The following RBFOX2 variants were observed in gnomAD, a reference collection of about 807,000 sequenced individuals.
RBFOX2 encodes the protein RNA binding fox-1 homolog 2.
In RBFOX2, 10 loss-of-function variants were observed where a neutral mutation model predicts 49.1. That is an observed-to-expected ratio of 0.20 (90% CI 0.13 to 0.35). The LOEUF is 0.35. Ranked by LOEUF, RBFOX2 falls within the 10% of genes least tolerant of loss-of-function variation. The pLI, the probability that RBFOX2 is intolerant of heterozygous loss-of-function variation, is 1.00. For missense variants in RBFOX2, 323 were observed against 486.9 expected (o/e 0.66, Z 3.17); for synonymous variants, 183 against 187.4 (o/e 0.98, Z 0.19).
chr22:35,930,099 G>T (rs2052193003), intron 1 of RBFOX2, among the ~76,000 whole-genome samples: 1 of 141,014 alleles, frequency 7.1e-6, no homozygotes, highest in African/African-American at 2.7e-5. Flanking sequence ...TCAGCTCACT[G>T]CAACCTCCGC....
At chr22:35,740,561 G>A (rs1433218731) in exon 12 of RBFOX2, 1 of 152,518 alleles carries the variant, frequency 6.6e-6, no homozygotes, top group African/African-American at 2.4e-5. Flanking sequence ...CTAGTATCTG[G>A]GGGAAAATCT....
intron 1 of RBFOX2, among the ~76,000 whole-genome samples, chr22:35,814,880 T>C (rs1952711926): frequency 6.6e-6 from 1 of 152,084 alleles, no homozygotes; most frequent in African/African-American, 2.4e-5. Flanking sequence ...TGGGAGACCC[T>C]GTCTCCTAAA....
intron 1 of RBFOX2, among the ~76,000 whole-genome samples, chr22:35,934,040 C>G (rs984006893): frequency 1.4e-5 from 2 of 147,842 alleles, no homozygotes; most frequent in African/African-American, 2.5e-5. Context: ...ACACTGAAAA[C>G]TTAGGCTCAA....
intron 1 of RBFOX2, among the ~76,000 whole-genome samples, chr22:35,870,894 G>A (rs754494787): frequency 2.0e-5 from 3 of 152,112 alleles, no homozygotes; most frequent in Admixed American, 6.5e-5. Context: ...ATTCACTGGG[G>A]CTCTCAATGT....
At chr22:35,797,473 T>C (rs1479955294) in intron 2 of RBFOX2, among the ~76,000 whole-genome samples, 1 of 152,218 alleles carries the variant, frequency 6.6e-6, no homozygotes, top group African/African-American at 2.4e-5. Context: ...AAAAATATCA[T>C]ATACTAATGT....
At chr22:35,754,096 CTT>C (rs1241289281) in intron 9 of RBFOX2, among the ~76,000 whole-genome samples, 5 of 134,210 alleles carry the variant, frequency 3.7e-5, no homozygotes, top group Admixed American at 7.5e-5. Context: ...GTAGGCAAGT[CTT>C]TTTTTTTTTT....
chr22:35,954,749 T>C (rs1323963490), intron 1 of RBFOX2, among the ~76,000 whole-genome samples: 1 of 152,128 alleles, frequency 6.6e-6, no homozygotes. Flanking sequence ...CAAAGGAAAA[T>C]AAGCTAGGGA....
At chr22:35,922,911 C>T (rs1276827469) in intron 1 of RBFOX2, among the ~76,000 whole-genome samples, 1 of 152,110 alleles carries the variant, frequency 6.6e-6, no homozygotes, top group Non-Finnish European at 1.5e-5. Flanking sequence ...AGTTTGCCCC[C>T]TCCTGTTTTA....
intron 3 of RBFOX2, 79 bp downstream of exon 4, chr22:35,781,521 T>C: frequency 6.7e-7 from 1 of 1,499,812 alleles, no homozygotes; most frequent in Middle Eastern, 1.8e-4. Context: ...AATCCTAAAG[T>C]AATAATGACT....
intron 1 of RBFOX2, among the ~76,000 whole-genome samples, chr22:35,974,271 G>A (rs1470092240): frequency 6.6e-6 from 1 of 152,194 alleles, no homozygotes; most frequent in Non-Finnish European, 1.5e-5. Context: ...TATTTCTAAG[G>A]AGAGAAAAGG....
chr22:35,889,642 C>T (rs1379763372), intron 1 of RBFOX2, among the ~76,000 whole-genome samples: 4 of 152,046 alleles, frequency 2.6e-5, no homozygotes, highest in African/African-American at 9.7e-5. Context: ...TTCACTTCAC[C>T]CTACTCCCAA....
At chr22:35,825,072 T>G (rs1244156194) in intron 1 of RBFOX2, among the ~76,000 whole-genome samples, 1 of 152,148 alleles carries the variant, frequency 6.6e-6, no homozygotes, top group Non-Finnish European at 1.5e-5. Context: ...ATACAAAAAT[T>G]AGCTGGGCAT....
At chr22:35,868,789 T>C (rs2043993789) in intron 1 of RBFOX2, among the ~76,000 whole-genome samples, 1 of 152,204 alleles carries the variant, frequency 6.6e-6, no homozygotes, top group African/African-American at 2.4e-5. Flanking sequence ...TTCTCAAAGA[T>C]GTTCGAGACT....
intron 2 of RBFOX2, among the ~76,000 whole-genome samples, chr22:35,806,493 A>G (rs10428017): frequency 0.043 from 6,554 of 152,270 alleles, 483 homozygotes; most frequent in African/African-American, 0.15. Context: ...CACAACCATT[A>G]GTAATAAGTT....
At chr22:35,790,963 A>G (rs1003460073) in intron 2 of RBFOX2, among the ~76,000 whole-genome samples, 3 of 152,068 alleles carry the variant, frequency 2.0e-5, no homozygotes, top group African/African-American at 7.2e-5. Flanking sequence ...AGCTATGATC[A>G]TATCACTGCA....
intron 1 of RBFOX2, among the ~76,000 whole-genome samples, chr22:36,011,904 C>T (rs1367988547): frequency 6.6e-6 from 1 of 152,082 alleles, no homozygotes; most frequent in Non-Finnish European, 1.5e-5. Context: ...CTCTCTGAGC[C>T]TGAGATACAC....
intron 1 of RBFOX2, among the ~76,000 whole-genome samples, chr22:35,961,134 T>C (rs2056155179): frequency 6.6e-6 from 1 of 152,192 alleles, no homozygotes; most frequent in Admixed American, 6.5e-5. Context: ...GTGTTTTATT[T>C]ATATACACCC....
chr22:36,015,409 T>C (rs2058995720), intron 1 of RBFOX2, among the ~76,000 whole-genome samples: 1 of 152,192 alleles, frequency 6.6e-6, no homozygotes, highest in African/African-American at 2.4e-5. Flanking sequence ...CCCTGTAAGC[T>C]TTGCCAAAGG....
At chr22:35,960,984 G>A (rs2056139411) in intron 1 of RBFOX2, among the ~76,000 whole-genome samples, 1 of 151,766 alleles carries the variant, frequency 6.6e-6, no homozygotes, top group Admixed American at 6.6e-5. Flanking sequence ...CAGCCTCTTA[G>A]TCATACCAAA....
Sources: allele counts gnomAD v4.1 joint callset (sites outside exome capture counted in the v4.1 genomes callset), GRCh38; gene constraint gnomAD v4.1.1; transcripts MANE v1.5; gene names NCBI Gene and HGNC (gene_info 2026-07-23, HGNC 2026-07-21).